Variants in AASDH observed in about 807,000 individuals in gnomAD.
AASDH encodes aminoadipate-semialdehyde dehydrogenase, also known as beta-alanine-activating enzyme.
AASDH carries 81 observed loss-of-function variants against 102.3 expected under a neutral mutation model. That is an observed-to-expected ratio of 0.79 (90% CI 0.66 to 0.95). The LOEUF (loss-of-function observed/expected upper bound fraction) is 0.95, where lower values mean the gene tolerates loss of function less well. AASDH is among the 40% of genes least tolerant of loss of function. The pLI is 0.00. For synonymous variants in AASDH, 398 were observed against 454.0 expected (o/e 0.88, Z 1.57); for missense variants, 1,203 against 1,266.2 (o/e 0.95, Z 0.76).
chr4:56,339,347 A>AT (rs1747349828), intron 14 of AASDH, among the ~76,000 whole-genome samples: 2 of 151,736 alleles, frequency 1.3e-5, no homozygotes, highest in Admixed American at 6.6e-5. Flanking sequence ...AGGTTTCACC[A>AT]TGTTAGCCAG....
chr4:56,368,416 G>A (rs1203512733), intron 5 of AASDH, among the ~76,000 whole-genome samples: 7 of 151,990 alleles, frequency 4.6e-5, no homozygotes, highest in African/African-American at 9.7e-5. Context: ...AGACACATGC[G>A]CACATATGTT....
chr4:56,347,982 C>G (rs1310072769), intron 11 of AASDH, among the ~76,000 whole-genome samples: 1 of 151,888 alleles, frequency 6.6e-6, no homozygotes, highest in African/African-American at 2.4e-5. Flanking sequence ...GAAACCCCAT[C>G]TCTACAAAAA....
chr4:56,385,779 AT>A (rs141126360), intron 1 of AASDH, among the ~76,000 whole-genome samples: 1 of 150,914 alleles, frequency 6.6e-6, no homozygotes. Context: ...TGTTTTTGTT[AT>A]TTTTTTTTAA....
At chr4:56,342,070 C>T (rs988185297) in intron 14 of AASDH, among the ~76,000 whole-genome samples, 1 of 142,848 alleles carries the variant, frequency 7.0e-6, no homozygotes, top group African/African-American at 2.6e-5. Flanking sequence ...CAAGATCACA[C>T]CAATGTACTC....
chr4:56,349,694 T>G lies in AASDH; in HGVS notation c.2057A>C (p.Gln686Pro), dbSNP rs1748756487. The change falls in exon 11 of 15, where the codon CAA becomes CCA. Residue 686 changes from glutamine (Q) to proline (P), a missense_variant. Transcript: ENST00000205214. ...CCTAGTGGAATTCAGAGACAAAATT[T>G]GACTCCCTCTGCTCAGTACAACAAA... ...NAFVVLSRGS[Q>P]ILSLNSTRFL... is the part of the protein sequence containing the mutation. 1 of 1,614,216 alleles carries G rather than the reference T, an allele frequency of 6.2e-7. No individual in the cohort carries two copies. Among genetic ancestry groups the G allele is most frequent in the Non-Finnish European group, 8.5e-7 (1 of 1,180,044 alleles).
rs751706495 is a variant in AASDH, at chr4:56,351,398, C to T, written c.1636G>A (p.Glu546Lys). The T allele has an allele frequency of 4.4e-6, 7 of 1,605,994 alleles. No individual in the cohort carries two copies. In the African/African-American group the frequency reaches 6.7e-5, roughly 15 times the overall value. Residue 546 changes from glutamate (E) to lysine (K), a missense_variant, in exon 10 of 15, where the codon GAG (glutamate) becomes AAG (lysine). By Grantham distance (56) the Glu-to-Lys change is moderately conservative. Transcript: ENST00000205214. ...TCCTCTTTCCCACTGAGCTTATTCT[C>T]AGACTTCAAGTTTATGTAGTTTAAA... is the stretch of plus-strand genomic sequence containing the variant. ...IYLNYINLKS[E>K]NKLSGKEDLW...
At chr4:56,338,884 A>C in intron 14 of AASDH, 93 bp from the exon 15 acceptor site, 1 of 1,248,284 alleles carries the variant, frequency 8.0e-7, no homozygotes, top group Non-Finnish European at 1.1e-6. Flanking sequence ...CAAATCTAAG[A>C]GATATAGGCT....
Position 56,338,608 on chromosome 4 carries a change from T to C in AASDH, c.3091A>G (p.Asn1031Asp). 1 of 1,614,160 alleles carries C rather than the reference T, an allele frequency of 6.2e-7. No homozygotes were observed. The highest frequency in any genetic ancestry group is 8.5e-7 in the Non-Finnish European group (1 of 1,180,002). Residue 1031 changes from asparagine (N) to aspartate (D), a missense_variant, in exon 15 of 15, where the codon AAT (asparagine) becomes GAT (aspartate). By Grantham distance (23) the Asn-to-Asp change is conservative. Transcript: ENST00000205214. ...YATPFAFHNY[N>D]GSNEMLLAAA... ...GCCAGCAACATTTCATTGCTGCCAT[T>C]GTAGTTATGGAAAGCAAACGGTGTT...
In AASDH at chr4:56,355,197, A is replaced by T; in HGVS notation, c.1088T>A (p.Leu363His). ...ATIYRIPEKT[L>H]NSTLKCELPV... is the part of the protein sequence containing the mutation. Reference sequence around the variant, plus strand: ...AAACCCTTACTTGAGAGTAGAGTTAAGAGTCTTCTCTGGAATCCTATAAAT... The same window carrying T: ...AAACCCTTACTTGAGAGTAGAGTTATGAGTCTTCTCTGGAATCCTATAAAT... The change falls in exon 6 of 15, where the codon CTT (leucine) becomes CAT (histidine). Residue 363 changes from leucine to histidine, a missense_variant. Physicochemically the swap from Leu to His is moderately conservative, Grantham distance 99 (BLOSUM62 -3). Transcript: ENST00000205214. The T allele has an allele frequency of 6.2e-7, 1 of 1,613,854 alleles. No individual in the cohort carries two copies. Among genetic ancestry groups the T allele is most frequent in the Non-Finnish European group, 8.5e-7 (1 of 1,179,898 alleles).
Position 56,343,680 on chromosome 4 carries a change from T to C in AASDH, c.2657A>G (p.Lys886Arg). The C allele has an allele frequency of 6.2e-7, 1 of 1,606,806 alleles. No homozygotes were observed. Among genetic ancestry groups the C allele is most frequent in the Middle Eastern group, 1.7e-4 (1 of 6,034 alleles). ...QHAYALDIYR[K>R]KCVWKSKCGG... ...ACATTTTGACTTCCAAACACACTTC[T>C]TTCTCTGCAAATAAGAAAACAAATT... is the stretch of plus-strand genomic sequence containing the variant. The change falls in exon 13 of 15, where the codon AAG becomes AGG. Residue 886 changes from lysine (K) to arginine (R), a missense_variant. Transcript: ENST00000205214.
In AASDH at chr4:56,338,293, CTTA is replaced by C; in HGVS notation, c.*106_*108del. On this transcript the variant is annotated 3_prime_UTR_variant, in exon 15 of 15. Transcript: ENST00000205214. ...ATCAAGTGTAGACAAGTTTCCGTTT[CTTA>C]GCCAAAATATAATCTTCTTTAATAT... is the stretch of plus-strand genomic sequence containing the variant. The C allele has an allele frequency of 1.6e-6, 2 of 1,284,848 alleles. No individual in the cohort carries two copies. Among genetic ancestry groups the C allele is most frequent in the South Asian group, 3.1e-5 (2 of 64,570 alleles). The allele number at this position is 1,284,848 out of a possible 1,614,324, so 79.6% of individuals were successfully genotyped here.
chr4:56,371,512 T>C lies in AASDH; in HGVS notation c.800A>G (p.Lys267Arg). 6.2e-7 allele frequency: 1 copy of C among 1,613,330 alleles called. No homozygotes were observed. Among genetic ancestry groups the C allele is most frequent in the South Asian group, 1.1e-5 (1 of 90,824 alleles). ...GCTGGCTAATTTTGATGGGAGCAAC[T>C]TGACGGAAGTTGGTACAATAAGCAG... The part of the protein sequence containing the change: ...ASLLIVPTSV[K>R]LLPSKLASVL... Residue 267 changes from lysine to arginine, a missense_variant, in exon 5 of 15, where the codon AAG (lysine) becomes AGG (arginine). Lys to Arg is a conservative substitution (Grantham distance 26). Transcript: ENST00000205214.
chr4:56,381,243 C>T (rs1245395809), intron 3 of AASDH, among the ~76,000 whole-genome samples: 9 of 152,104 alleles, frequency 5.9e-5, no homozygotes, highest in Admixed American at 3.3e-4. Flanking sequence ...GAGGAAATTT[C>T]GGCTACACAC....
At chr4:56,345,362 T>C in intron 11 of AASDH, 72 bp from the exon 12 acceptor site, 2 of 1,426,746 alleles carry the variant, frequency 1.4e-6, no homozygotes, top group East Asian at 4.8e-5. Flanking sequence ...GCCTACAGCA[T>C]GCAATTTATA....
At chr4:56,364,687 C>T (rs551796298) in intron 5 of AASDH, among the ~76,000 whole-genome samples, 179 of 152,268 alleles carry the variant, frequency 1.2e-3, no homozygotes, top group African/African-American at 4.2e-3. Flanking sequence ...TTGTCACCAC[C>T]AGGCCTGCCC....
At chr4:56,368,843 T>C (rs1407522485) in intron 5 of AASDH, among the ~76,000 whole-genome samples, 2 of 149,434 alleles carry the variant, frequency 1.3e-5, no homozygotes, top group Non-Finnish European at 3.0e-5. Context: ...CTGCACGTTG[T>C]ACACATGTAC....
At chr4:56,339,748 C>A (rs1277949935) in intron 14 of AASDH, among the ~76,000 whole-genome samples, 537 of 127,774 alleles carry the variant, frequency 4.2e-3, no homozygotes, top group Middle Eastern at 8.3e-3. Flanking sequence ...GACCTTGTTT[C>A]AAAAAAAAAA....
At chr4:56,382,725 T>C in intron 2 of AASDH, 128 bp from the exon 3 acceptor site, 1 of 1,053,774 alleles carries the variant, frequency 9.5e-7, no homozygotes, top group Non-Finnish European at 1.3e-6. Context: ...GAGCACTTTA[T>C]TGCTGATCAG....
chr4:56,354,831 A>G lies in AASDH; in HGVS notation c.1104-20T>C. On this transcript the variant is annotated intron_variant, in intron 6 of 14. Transcript: ENST00000205214. ...TCACATCTATGAAAATAAGATACAGAGCAGATTTAAAATTTTTCATTTGAA... is the reference window on the plus strand; with the variant it reads ...TCACATCTATGAAAATAAGATACAGGGCAGATTTAAAATTTTTCATTTGAA... 6.4e-7 allele frequency: 1 copy of G among 1,550,640 alleles called. No homozygotes were observed. Among genetic ancestry groups the G allele is most frequent in the African/African-American group, 1.4e-5 (1 of 72,558 alleles).
Sources: gnomAD v4.1 joint callset for allele counts (sites outside exome capture counted in the v4.1 genomes callset) on GRCh38, gnomAD v4.1.1 for gene constraint, MANE v1.5 for transcripts, NCBI Gene and HGNC (gene_info 2026-07-23, HGNC 2026-07-21) for gene names.